UVRAG: variants seen among roughly 807,000 people sequenced by gnomAD.
UVRAG encodes UV radiation resistance-associated gene protein.
In UVRAG, 19 loss-of-function variants were observed where a neutral mutation model predicts 78.0. That is an observed-to-expected ratio of 0.24 (90% CI 0.17 to 0.36). The LOEUF (loss-of-function observed/expected upper bound fraction) is 0.36. Among genes scored for constraint, UVRAG ranks in the 10% least tolerant of loss-of-function variants. The probability of loss-of-function intolerance (pLI) is 1.00; values close to 1 mark genes in which losing one functional copy is unlikely to be tolerated. For missense variants in UVRAG, 740 were observed against 853.8 expected (o/e 0.87, Z 1.66); for synonymous variants, 323 against 324.6 (o/e 1.00, Z 0.05).
At chr11:76,060,437 C>G (rs963901606) in intron 12 of UVRAG, among the ~76,000 whole-genome samples, 10 of 152,244 alleles carry the variant, frequency 6.6e-5, no homozygotes, top group African/African-American at 2.4e-4. Flanking sequence ...CTCAGCGCCT[C>G]TTCTGCCTGG....
chr11:75,827,191 G>A (rs1165815650), intron 1 of UVRAG, among the ~76,000 whole-genome samples: 1 of 151,344 alleles, frequency 6.6e-6, no homozygotes, highest in East Asian at 1.9e-4. Flanking sequence ...ATGAGAATCA[G>A]GCTTATGATC....
intron 12 of UVRAG, among the ~76,000 whole-genome samples, chr11:76,029,587 G>A (rs982573769): frequency 2.6e-5 from 4 of 152,150 alleles, no homozygotes; most frequent in Non-Finnish European, 4.4e-5. Flanking sequence ...GACTTCAGTG[G>A]AAGAAATAAC....
intron 5 of UVRAG, among the ~76,000 whole-genome samples, chr11:75,894,594 T>C (rs1247937198): frequency 6.6e-6 from 1 of 151,898 alleles, no homozygotes; most frequent in Admixed American, 6.6e-5. Flanking sequence ...GTGTGTTGGC[T>C]CACACCTGTA....
At chr11:75,979,474 G>T (rs951065132) in intron 7 of UVRAG, 1 of 152,482 alleles carries the variant, frequency 6.6e-6, no homozygotes, top group African/African-American at 2.4e-5. Flanking sequence ...TGCCCCCAGA[G>T]GTGGAGTCTA....
chr11:76,007,896 A>G (rs982192806), intron 10 of UVRAG, among the ~76,000 whole-genome samples: 6 of 149,980 alleles, frequency 4.0e-5, no homozygotes, highest in African/African-American at 1.2e-4. Flanking sequence ...ACTTAACCAC[A>G]TTATCCATTA....
intron 3 of UVRAG, among the ~76,000 whole-genome samples, chr11:75,879,266 C>T (rs908144206): frequency 6.6e-6 from 1 of 152,140 alleles, no homozygotes; most frequent in African/African-American, 2.4e-5. Context: ...TTGTGTGCTC[C>T]AGCAGTAGTC....
chr11:75,815,250 C>T lies in UVRAG; in HGVS notation c.-158C>T, dbSNP rs1034055898. On this transcript the variant is annotated 5_prime_UTR_variant, in exon 1 of 15. Coordinates refer to ENST00000356136, the MANE Select transcript of UVRAG (RefSeq NM_003369.4). The stretch of plus-strand genomic sequence containing the variant: ...CCTTAGCCAGCGGCGGCAACGGCGG[C>T]AGCGGCGGCAGCGGCGGCGGCTACT... The T allele has an allele frequency of 4.4e-6, 2 of 453,196 alleles. No homozygotes were observed. Among genetic ancestry groups the T allele is most frequent in the Non-Finnish European group, 7.6e-6 (2 of 263,792 alleles). 28.1% of individuals were successfully genotyped at this position (453,196 alleles called of 1,614,324 possible). A position where few individuals can be genotyped will look rare whatever the true frequency, so the allele number is the denominator to read the frequency against.
chr11:76,103,780 T>C (rs906350512), intron 13 of UVRAG, among the ~76,000 whole-genome samples: 9 of 152,230 alleles, frequency 5.9e-5, no homozygotes, highest in African/African-American at 2.2e-4. Context: ...CCAGATTCTT[T>C]AAGGAAAACT....
intron 1 of UVRAG, among the ~76,000 whole-genome samples, chr11:75,829,716 A>G (rs1055271897): frequency 1.3e-5 from 2 of 152,254 alleles, no homozygotes; most frequent in African/African-American, 4.8e-5. Context: ...CAAGTACTCA[A>G]CTGGTTGCTG....
intron 3 of UVRAG, among the ~76,000 whole-genome samples, chr11:75,875,707 G>A (rs905771733): frequency 2.0e-5 from 3 of 150,138 alleles, no homozygotes; most frequent in Non-Finnish European, 4.4e-5. Context: ...CATCTGTCAT[G>A]GCAACTTTCC....
intron 6 of UVRAG, 106 bp downstream of exon 6, chr11:75,912,145 C>T (rs542997691): frequency 9.9e-4 from 780 of 789,876 alleles, no homozygotes; most frequent in Non-Finnish European, 1.4e-3. Flanking sequence ...GGCTGTTATT[C>T]AAGCTTAGCA....
intron 1 of UVRAG, chr11:75,835,186 CATT>C (rs1368654187): frequency 6.6e-6 from 1 of 152,146 alleles, no homozygotes; most frequent in African/African-American, 2.4e-5. Flanking sequence ...TTAAAAATAA[CATT>C]AAGGATACTT....
chr11:76,105,869 ACACT>A (rs1951959110), intron 13 of UVRAG, among the ~76,000 whole-genome samples: 1 of 152,244 alleles, frequency 6.6e-6, no homozygotes, highest in Non-Finnish European at 1.5e-5. Flanking sequence ...AGCAACTGAA[ACACT>A]CACTGAAACA....
Position 76,096,244 on chromosome 11 carries a change from A to T in UVRAG, c.1306-19680A>T, listed in dbSNP as rs116740062. The stretch of plus-strand genomic sequence containing the variant: ...CCTTCTATGTTGAAATTTATTTAAC[A>T]TGGCTTTTTTGTGGCTTAATAGGAT... On this transcript the variant is annotated intron_variant, in intron 13 of 14. Transcript: ENST00000356136. 3.5e-3 allele frequency among the ~76,000 whole-genome samples: 535 copies of T among 152,348 alleles called. 3 individuals carry two copies. Among genetic ancestry groups the T allele is most frequent in the African/African-American group, 0.012 (509 of 41,582 alleles).
chr11:75,862,540 G>A (rs1375134086), intron 3 of UVRAG, among the ~76,000 whole-genome samples: 1 of 151,770 alleles, frequency 6.6e-6, no homozygotes, highest in African/African-American at 2.4e-5. Flanking sequence ...TTGTGTTCCA[G>A]GTGTACCTCT....
chr11:76,008,001 G>A (rs1429622002), intron 10 of UVRAG, among the ~76,000 whole-genome samples: 1 of 151,756 alleles, frequency 6.6e-6, no homozygotes, highest in Non-Finnish European at 1.5e-5. Context: ...TCCCCTTCCC[G>A]GGTTCACGCC....
chr11:75,964,886 GA>G (rs1948985754), intron 7 of UVRAG, among the ~76,000 whole-genome samples: 2 of 152,076 alleles, frequency 1.3e-5, no homozygotes, highest in Admixed American at 1.3e-4. Context: ...TAATTGCCTT[GA>G]CATGTTTGTT....
chr11:76,049,919 G>T (rs2134348200), intron 12 of UVRAG, among the ~76,000 whole-genome samples: 1 of 152,330 alleles, frequency 6.6e-6, no homozygotes, highest in Non-Finnish European at 1.5e-5. Context: ...TTGGAGATGG[G>T]TGGCTGTTGT....
intron 12 of UVRAG, among the ~76,000 whole-genome samples, chr11:76,057,281 A>G (rs542369545): frequency 6.6e-6 from 1 of 152,324 alleles, no homozygotes; most frequent in Admixed American, 6.5e-5. Flanking sequence ...CATGCTTTTC[A>G]TAGATTATAA....
Sources: gnomAD v4.1 joint callset for allele counts (sites outside exome capture counted in the v4.1 genomes callset) on GRCh38, gnomAD v4.1.1 for gene constraint, MANE v1.5 for transcripts, NCBI Gene and HGNC (gene_info 2026-07-23, HGNC 2026-07-21) for gene names.